VPS13A: variants seen among roughly 807,000 people sequenced by gnomAD.
VPS13A encodes the protein vacuolar protein sorting 13 homolog A, also known as intermembrane lipid transfer protein VPS13A.
Under a neutral mutation model 390.9 loss-of-function variants are expected in VPS13A, and 264 were observed. The ratio of observed to expected loss-of-function variants is 0.68; its 90% CI spans 0.61 to 0.75. The LOEUF (loss-of-function observed/expected upper bound fraction) is 0.75. Ranked by LOEUF, VPS13A falls within the 30% of genes least tolerant of loss-of-function variation. The pLI is 0.00. For missense variants in VPS13A, 3,409 were observed against 3,733.9 expected, an observed-to-expected ratio of 0.91 and a Z score of 2.27; for synonymous variants, 1,231 against 1,227.1, an observed-to-expected ratio of 1.00 and a Z score of -0.07.
chr9:77,347,918 T>C (rs990620769), intron 52 of VPS13A, among the ~76,000 whole-genome samples: 1 of 152,000 alleles, frequency 6.6e-6, no homozygotes, highest in African/African-American at 2.4e-5. Flanking sequence ...CCTGAATAGG[T>C]GTTTCTTTCA....
intron 22 of VPS13A, among the ~76,000 whole-genome samples, chr9:77,254,981 T>C (rs923470795): frequency 4.6e-5 from 7 of 152,176 alleles, no homozygotes; most frequent in African/African-American, 1.7e-4. Context: ...GTGCCTTTTA[T>C]TTCTCTTTCT....
At chr9:77,370,689 T>C (rs1832701846) in intron 65 of VPS13A, 111 bp downstream of exon 65, 4 of 1,516,948 alleles carry the variant, frequency 2.6e-6, no homozygotes, top group Admixed American at 3.6e-5. Flanking sequence ...ATTATTTGGA[T>C]ATTTTAAGAG....
intron 13 of VPS13A, among the ~76,000 whole-genome samples, chr9:77,222,980 C>T (rs570193604): frequency 1.3e-5 from 2 of 152,268 alleles, no homozygotes; most frequent in Non-Finnish European, 2.9e-5. Flanking sequence ...TAAGCTATAA[C>T]CAAACCAGCT....
rs1234132073 is a variant in VPS13A, at chr9:77,420,471, G to C, written c.*4465G>C. 2 of 149,854 alleles carry C rather than the reference G, an allele frequency of 1.3e-5. 1 individual carries two copies. Among genetic ancestry groups the C allele is most frequent in the African/African-American group, 4.9e-5 (2 of 40,694 alleles). The allele number at this position is 149,854 out of a possible 1,614,324, so 9.3% of individuals were successfully genotyped here. A position where few individuals can be genotyped will look rare whatever the true frequency, so the allele number is the denominator to read the frequency against. On this transcript the variant is annotated 3_prime_UTR_variant, in exon 72 of 72. Coordinates refer to ENST00000360280, the MANE Select transcript of VPS13A (RefSeq NM_033305.3). Reference sequence around the variant, plus strand: ...TTAGTTCTTTTTTTAAAGCATTATGGCATTTTCAAAAAAAAAATTATTTTG... The same window carrying C: ...TTAGTTCTTTTTTTAAAGCATTATGCCATTTTCAAAAAAAAAATTATTTTG...
At chr9:77,220,110 G>C (rs201145422) in intron 11 of VPS13A, 29 bp downstream of exon 11, 24 of 1,583,400 alleles carry the variant, frequency 1.5e-5, no homozygotes, top group Non-Finnish European at 1.9e-5. Context: ...ATTTTCAATT[G>C]TGAATTATTG....
chr9:77,346,558 G>A (rs1351811388), intron 52 of VPS13A, among the ~76,000 whole-genome samples: 3 of 152,046 alleles, frequency 2.0e-5, no homozygotes, highest in African/African-American at 7.2e-5. Flanking sequence ...TTATTTTGTT[G>A]CATTTGCTTT....
chr9:77,256,968 T>G (rs1190761723), intron 22 of VPS13A, among the ~76,000 whole-genome samples: 3 of 152,120 alleles, frequency 2.0e-5, no homozygotes, highest in Non-Finnish European at 4.4e-5. Context: ...AGTTTTTAAT[T>G]GAGAAAAAAT....
intron 26 of VPS13A, among the ~76,000 whole-genome samples, chr9:77,278,954 G>C (rs980548279): frequency 6.6e-6 from 1 of 152,178 alleles, no homozygotes; most frequent in South Asian, 2.1e-4. Flanking sequence ...AGGTGCAGAG[G>C]CTGTGGGGAG....
At chr9:77,407,671 A>C in intron 71 of VPS13A, 64 bp downstream of exon 71, 1 of 1,225,668 alleles carries the variant, frequency 8.2e-7, no homozygotes, top group Non-Finnish European at 1.2e-6. Context: ...TAAGTGGACT[A>C]TTTTTTAATG....
chr9:77,382,759 C>T, intron 68 of VPS13A: 33 of 985,708 alleles, frequency 3.3e-5, no homozygotes, highest in Non-Finnish European at 4.0e-5. Flanking sequence ...CTTTATAAAA[C>T]TTGTGGGATT....
intron 33 of VPS13A, 97 bp downstream of exon 33, chr9:77,295,943 AT>A: frequency 8.1e-7 from 1 of 1,233,632 alleles, no homozygotes. Context: ...GTGAGATTTT[AT>A]TTTATTAATT....
intron 1 of VPS13A, among the ~76,000 whole-genome samples, chr9:77,187,608 T>TACACAC (rs34649735): frequency 8.6e-4 from 127 of 148,124 alleles, no homozygotes; most frequent in Admixed American, 5.5e-3. Context: ...CATACAAACA[T>TACACAC]ACACACACAC....
intron 58 of VPS13A, 99 bp downstream of exon 58, chr9:77,359,501 A>G: frequency 9.3e-7 from 1 of 1,080,232 alleles, no homozygotes; most frequent in Non-Finnish European, 1.4e-6. Flanking sequence ...CAAAGATTTA[A>G]GCATAAAATA....
chr9:77,221,791 A>G (rs556713427), intron 13 of VPS13A, among the ~76,000 whole-genome samples: 5 of 152,232 alleles, frequency 3.3e-5, no homozygotes, highest in East Asian at 3.9e-4. Flanking sequence ...AGCCACGCCT[A>G]TGCTCATAAA....
intron 15 of VPS13A, 69 bp downstream of exon 15, chr9:77,226,667 CTAAT>C (rs1283244331): frequency 1.6e-5 from 25 of 1,519,468 alleles, no homozygotes; most frequent in Middle Eastern, 3.6e-4. Flanking sequence ...CATTTTTTGC[CTAAT>C]TAAAGTAAAT....
rs1473170077 is a variant in VPS13A at position 77,307,327 on chromosome 9, A to G, written c.3961-618A>G. 4.6e-5 allele frequency among the ~76,000 whole-genome samples: 7 copies of G among 152,292 alleles called. No homozygotes were observed. The South Asian group carries it at 1.2e-3, about 27-fold the overall frequency. On this transcript the variant is annotated intron_variant, in intron 34 of 71. Coordinates refer to ENST00000360280, the MANE Select transcript of VPS13A (RefSeq NM_033305.3). ...TTGCATTAGCTGGGCATGTTGGTAC[A>G]TGATTGTAATCCCAGTTTCTTGGGA...
chr9:77,382,883 C>T (rs924930327), intron 68 of VPS13A: 24 of 985,352 alleles, frequency 2.4e-5, no homozygotes, highest in African/African-American at 7.0e-5. Flanking sequence ...TTGGTAAATT[C>T]GACTTTTTAA....
At chr9:77,384,849 G>A in intron 68 of VPS13A, 1 of 1,440,274 alleles carries the variant, frequency 6.9e-7, no homozygotes, top group African/African-American at 1.4e-5. Context: ...TTTAAGCACA[G>A]AAAAAAATGT....
intron 68 of VPS13A, among the ~76,000 whole-genome samples, chr9:77,402,040 CA>C (rs1372440244): frequency 6.6e-6 from 1 of 152,142 alleles, no homozygotes; most frequent in African/African-American, 2.4e-5. Flanking sequence ...TATCCCCCTG[CA>C]GATAAGGGAG....
Sources: gnomAD v4.1 joint callset for allele counts (sites outside exome capture counted in the v4.1 genomes callset) on GRCh38, gnomAD v4.1.1 for gene constraint, MANE v1.5 for transcripts, NCBI Gene and HGNC (gene_info 2026-07-23, HGNC 2026-07-21) for gene names.